The following ATP13A3 variants were observed in gnomAD, a reference collection of about 807,000 sequenced individuals.
ATP13A3 encodes ATPase 13A3, also known as polyamine-transporting ATPase 13A3.
In ATP13A3, 59 loss-of-function variants were observed where a neutral mutation model predicts 158.1. The observed-to-expected ratio is 0.37, with a 90% confidence interval of 0.30 to 0.46. The LOEUF is 0.46. ATP13A3 is among the 20% of genes least tolerant of loss of function. ATP13A3 has a pLI of 1.00. For synonymous variants in ATP13A3, 491 were observed against 504.3 expected (o/e 0.97, Z 0.35); for missense variants, 1,166 against 1,525.2 (o/e 0.76, Z 3.92).
intron 2 of ATP13A3, among the ~76,000 whole-genome samples, chr3:194,463,366 CCA>C (rs1719791857): frequency 6.6e-6 from 1 of 151,126 alleles, no homozygotes; most frequent in Non-Finnish European, 1.5e-5. Context: ...TAAAACGATG[CCA>C]GTTTTCTAAC....
intron 17 of ATP13A3, among the ~76,000 whole-genome samples, chr3:194,438,516 G>A (rs1717821295): frequency 6.6e-6 from 1 of 152,246 alleles, no homozygotes; most frequent in Non-Finnish European, 1.5e-5. Context: ...ATAGTACTGA[G>A]AATTATATCT....
Position 194,448,081 on chromosome 3 carries a change from TC to T in ATP13A3, c.1151-73del. 3 of 1,328,094 alleles carry T rather than the reference TC, an allele frequency of 2.3e-6. No individual in the cohort carries two copies. Among genetic ancestry groups the T allele is most frequent in the Admixed American group, 2.0e-5 (1 of 49,042 alleles). The allele number at this position is 1,328,094 out of a possible 1,614,324, so 82.3% of individuals were successfully genotyped here. A position where few individuals can be genotyped will look rare whatever the true frequency, so the allele number is the denominator to read the frequency against. On this transcript the variant is annotated intron_variant, in intron 12 of 33. Coordinates refer to ENST00000645319, the MANE Select transcript of ATP13A3 (RefSeq NM_001367549.1). The surrounding 1 kb of genome is among the most constrained non-coding windows in gnomAD (Gnocchi z 4.0). ...GAATTATCTCCCAAAACAGAATCTC[TC>T]TTTTTTTTTTTTTGAGACAGAGTCT...
At chr3:194,458,861 TA>T (rs1172835949) in intron 6 of ATP13A3, among the ~76,000 whole-genome samples, 2 of 152,178 alleles carry the variant, frequency 1.3e-5, no homozygotes, top group African/African-American at 4.8e-5. Flanking sequence ...ATGAATATTT[TA>T]AATGTTCATA....
At chr3:194,459,624 T>C in intron 5 of ATP13A3, 83 bp from the exon 6 acceptor site, 3 of 1,167,768 alleles carry the variant, frequency 2.6e-6, no homozygotes, top group Middle Eastern at 2.2e-4. Context: ...AACAGCTATA[T>C]ATAGGATTAT....
intron 2 of ATP13A3, among the ~76,000 whole-genome samples, chr3:194,470,687 G>A (rs1460583110): frequency 2.0e-5 from 3 of 152,076 alleles, no homozygotes; most frequent in Non-Finnish European, 4.4e-5. Flanking sequence ...AATTATTCAA[G>A]CTACTATGTT....
intron 28 of ATP13A3, among the ~76,000 whole-genome samples, chr3:194,427,674 TA>T (rs1473897077): frequency 7.0e-6 from 1 of 143,870 alleles, no homozygotes; most frequent in Admixed American, 6.9e-5. Flanking sequence ...AATAAATAAA[TA>T]AATAAATAAT....
chr3:194,473,729 A>T (rs1030149906), intron 2 of ATP13A3, among the ~76,000 whole-genome samples: 26 of 152,354 alleles, frequency 1.7e-4, no homozygotes, highest in African/African-American at 4.8e-4. Context: ...GGAACAAAAC[A>T]TGTATATTGC....
Position 194,406,255 on chromosome 3 carries a change from A to G in ATP13A3, c.3574-139T>C, listed in dbSNP as rs905061454. On this transcript the variant is annotated intron_variant, in intron 33 of 33. Transcript: ENST00000645319. ...CTGAGCACAACGAATGGGGGAAAAA[A>G]AAATCCATGTTAAAAAAAGGCAGCT... The G allele has an allele frequency of 3.2e-6, 3 of 937,298 alleles. No individual in the cohort carries two copies. In the African/African-American group the frequency reaches 5.0e-5, roughly 16 times the overall value. 58.1% of individuals were successfully genotyped at this position (937,298 alleles called of 1,614,324 possible).
At position 194,403,141 on chromosome 3, in the gene ATP13A3, C is replaced by G. The variant is rs189645011; in HGVS notation, c.*2778G>C. The G allele has an allele frequency of 5.1e-4, 77 of 152,262 alleles. No individual in the cohort carries two copies. Among genetic ancestry groups the G allele is most frequent in the Middle Eastern group, 3.4e-3 (1 of 294 alleles). 9.4% of individuals were successfully genotyped at this position (152,262 alleles called of 1,614,324 possible). On this transcript the variant is annotated 3_prime_UTR_variant, in exon 34 of 34. Transcript: ENST00000645319. ...ATGTTATCTATAGCTGTTTCTGTAACAGACTACATAAACATTGATATATTA... is the reference window on the plus strand; with the variant it reads ...ATGTTATCTATAGCTGTTTCTGTAAGAGACTACATAAACATTGATATATTA...
intron 6 of ATP13A3, among the ~76,000 whole-genome samples, chr3:194,458,174 C>G (rs1719375815): frequency 1.3e-5 from 2 of 152,102 alleles, no homozygotes; most frequent in Admixed American, 1.3e-4. Flanking sequence ...CTTTTCCACA[C>G]TTTCCACATA....
In ATP13A3 at chr3:194,476,331, T is replaced by C. The variant is rs144465923; in HGVS notation, c.-47+9463A>G. ...TACCAATTCACATTTTCAGCACTAA[T>C]CTCTCATGTGCTTCAGACCCACAGA... On this transcript the variant is annotated intron_variant, in intron 2 of 33. Coordinates refer to ENST00000645319, the MANE Select transcript of ATP13A3 (RefSeq NM_001367549.1). Among the ~76,000 whole-genome samples the C allele has an allele frequency of 2.9e-3, 441 of 152,246 alleles. 3 individuals carry two copies. Among genetic ancestry groups the C allele is most frequent in the African/African-American group, 9.9e-3 (413 of 41,544 alleles).
At chr3:194,484,272 T>C (rs1337274071) in intron 2 of ATP13A3, among the ~76,000 whole-genome samples, 1 of 152,208 alleles carries the variant, frequency 6.6e-6, no homozygotes, top group African/African-American at 2.4e-5. Context: ...AGAATATTGT[T>C]ACCTGAAAGT....
At chr3:194,463,271 C>T (rs1261161807) in intron 2 of ATP13A3, among the ~76,000 whole-genome samples, 2 of 151,398 alleles carry the variant, frequency 1.3e-5, no homozygotes, top group African/African-American at 2.4e-5. Flanking sequence ...ATTCATTGAG[C>T]CCACTGACAT....
intron 2 of ATP13A3, among the ~76,000 whole-genome samples, chr3:194,481,499 T>A (rs945894101): frequency 6.6e-6 from 1 of 152,044 alleles, no homozygotes; most frequent in African/African-American, 2.4e-5. Flanking sequence ...CCATAAAGGA[T>A]CCTTTATGCT....
chr3:194,455,030 C>A (rs1400841802), intron 8 of ATP13A3, among the ~76,000 whole-genome samples: 1 of 152,126 alleles, frequency 6.6e-6, no homozygotes, highest in African/African-American at 2.4e-5. Flanking sequence ...CATTTATTTC[C>A]AATTACTGTG....
Position 194,405,731 on chromosome 3 carries a change from A to T in ATP13A3, c.*188T>A. Reference sequence around the variant, plus strand: ...TATAGGACTTTATGGATTGATTGTTAATTTAACTGTTAGGACGATATATTT... The same window carrying T: ...TATAGGACTTTATGGATTGATTGTTTATTTAACTGTTAGGACGATATATTT... On this transcript the variant is annotated 3_prime_UTR_variant, in exon 34 of 34. Coordinates refer to ENST00000645319, the MANE Select transcript of ATP13A3 (RefSeq NM_001367549.1). 1 of 602,964 alleles carries T rather than the reference A, an allele frequency of 1.7e-6. No individual in the cohort carries two copies. Among genetic ancestry groups the T allele is most frequent in the Non-Finnish European group, 2.9e-6 (1 of 350,744 alleles). The allele number at this position is 602,964 out of a possible 1,614,324, so 37.4% of individuals were successfully genotyped here.
intron 21 of ATP13A3, among the ~76,000 whole-genome samples, chr3:194,432,535 ATGACCTTTGGTACACAAAGCCATATTC>A (rs1245416787): frequency 3.3e-5 from 5 of 152,198 alleles, no homozygotes; most frequent in Non-Finnish European, 7.4e-5. Context: ...ATATCTTCCT[ATGACCTTTGGTACACAAAGCCATATTC>A]TGGCAAGGGG....
At chr3:194,467,036 G>C (rs923535520) in intron 2 of ATP13A3, among the ~76,000 whole-genome samples, 3 of 152,124 alleles carry the variant, frequency 2.0e-5, no homozygotes, top group African/African-American at 7.2e-5. Flanking sequence ...GTTGGTTTTT[G>C]AATCTTACTC....
intron 13 of ATP13A3, among the ~76,000 whole-genome samples, 188 bp downstream of exon 13, chr3:194,447,664 T>A (rs1182329332): frequency 6.6e-6 from 1 of 151,846 alleles, no homozygotes; most frequent in Non-Finnish European, 1.5e-5. Context: ...ACAATGGAAA[T>A]GTTCTATAGC....
Sources: gnomAD v4.1 joint callset for allele counts (sites outside exome capture counted in the v4.1 genomes callset) on GRCh38, gnomAD v4.1.1 for gene constraint, Gnocchi (gnomAD v3.1) non-coding constraint, MANE v1.5 for transcripts, NCBI Gene and HGNC (gene_info 2026-07-23, HGNC 2026-07-21) for gene names.